The following RFX2 variants were observed in gnomAD, a reference collection of about 807,000 sequenced individuals.
The protein encoded by RFX2 is DNA-binding protein RFX2.
A neutral mutation model predicts 87.8 loss-of-function variants in RFX2; 20 were observed. That is an observed-to-expected ratio of 0.23 (90% CI 0.16 to 0.33). RFX2 has a LOEUF of 0.33. Ranked by LOEUF, RFX2 falls within the 10% of genes least tolerant of loss-of-function variation. RFX2 has a pLI of 1.00. For missense variants in RFX2, 767 were observed against 1,012.3 expected (o/e 0.76, Z 3.29); for synonymous variants, 397 against 431.3 (o/e 0.92, Z 0.98).
chr19:6,068,972 G>A (rs1195751273), intron 1 of RFX2, among the ~76,000 whole-genome samples: 1 of 152,154 alleles, frequency 6.6e-6, no homozygotes, highest in Non-Finnish European at 1.5e-5. Context: ...TCAGACTCTG[G>A]ATAAACATAG....
rs2086827834 is a variant in RFX2, at chr19:6,022,476, G to A, written c.597+3687C>T. Among the ~76,000 whole-genome samples, 1 of 152,222 alleles carries A rather than the reference G, an allele frequency of 6.6e-6. No individual in the cohort carries two copies. The highest frequency in any genetic ancestry group is 2.1e-4 in the South Asian group (1 of 4,834). ...CTTTAGCAGACAGCGCCACCTCATG[G>A]TGACAGAGACTCGGTGAACCTGCTA... On this transcript the variant is annotated intron_variant, in intron 6 of 17. Transcript: ENST00000303657. The surrounding 1 kb of genome is among the most constrained non-coding windows in gnomAD (Gnocchi z 6.2).
At chr19:6,035,475 A>G (rs2087009667) in intron 5 of RFX2, among the ~76,000 whole-genome samples, 1 of 152,242 alleles carries the variant, frequency 6.6e-6, no homozygotes, top group Non-Finnish European at 1.5e-5. Context: ...AAGATTTATA[A>G]TATGGATGAC....
chr19:6,070,458 T>G (rs1180635038), intron 1 of RFX2, among the ~76,000 whole-genome samples: 1 of 152,006 alleles, frequency 6.6e-6, no homozygotes, highest in Admixed American at 6.5e-5. Context: ...CCTCAATAGC[T>G]GGCTGCTGGG....
intron 1 of RFX2, among the ~76,000 whole-genome samples, chr19:6,075,650 G>A (rs1308278278): frequency 1.3e-5 from 2 of 152,178 alleles, no homozygotes; most frequent in African/African-American, 2.4e-5. Flanking sequence ...AGCTGGGGAA[G>A]CCCGTGGTCT....
intron 16 of RFX2, among the ~76,000 whole-genome samples, chr19:5,996,722 ACT>A (rs1283530079): frequency 1.3e-5 from 2 of 152,006 alleles, no homozygotes; most frequent in Non-Finnish European, 2.9e-5. Context: ...TAAACAGAAA[ACT>A]CTGGGTGGTG....
At chr19:6,006,223 C>G (rs143209376) in intron 12 of RFX2, among the ~76,000 whole-genome samples, 1 of 151,960 alleles carries the variant, frequency 6.6e-6, no homozygotes, top group Non-Finnish European at 1.5e-5. Flanking sequence ...TGCAGTGGTG[C>G]GATCATAGCT....
chr19:6,088,316 A>T (rs1340122091), intron 1 of RFX2, among the ~76,000 whole-genome samples: 1 of 145,132 alleles, frequency 6.9e-6, no homozygotes, highest in African/African-American at 2.6e-5. Context: ...GCCTCCCGCG[A>T]TTCTCCTGCC....
At position 6,021,079 on chromosome 19, in the gene RFX2, T is replaced by G. The variant is rs993489492; in HGVS notation, c.598-4808A>C. Among the ~76,000 whole-genome samples the G allele has an allele frequency of 3.9e-5, 6 of 152,210 alleles. No individual in the cohort carries two copies. Among genetic ancestry groups the G allele is most frequent in the Admixed American group, 2.0e-4 (3 of 15,280 alleles). ...TCATGCCCACCTACCTGGCCCCCTT[T>G]GTCTCCTAAGATACTTGTTTCTATT... On this transcript the variant is annotated intron_variant, in intron 6 of 17. Coordinates refer to ENST00000303657, the MANE Select transcript of RFX2 (RefSeq NM_000635.4). The surrounding 1 kb of genome is among the most constrained non-coding windows in gnomAD (Gnocchi z 5.7).
chr19:6,082,861 G>A (rs1438885275), intron 1 of RFX2, among the ~76,000 whole-genome samples: 1 of 152,146 alleles, frequency 6.6e-6, no homozygotes, highest in African/African-American at 2.4e-5. Flanking sequence ...CCATGCTAGA[G>A]CCTGGGGCAA....
At chr19:6,107,854 TTACATTTAAATA>T (rs2088244123) in intron 1 of RFX2, among the ~76,000 whole-genome samples, 2 of 152,156 alleles carry the variant, frequency 1.3e-5, no homozygotes, top group African/African-American at 4.8e-5. Flanking sequence ...AGATGAGTAT[TTACATTTAAATA>T]TACATCACAT....
intron 1 of RFX2, chr19:6,073,577 G>T: frequency 2.7e-6 from 1 of 370,764 alleles, no homozygotes; most frequent in Non-Finnish European, 4.8e-6. Flanking sequence ...CATAAAAACT[G>T]CAAAAAGATA....
chr19:6,019,544 G>GTGTGTA (rs386388444), intron 6 of RFX2, among the ~76,000 whole-genome samples: 1,902 of 143,082 alleles, frequency 0.013, 59 homozygotes, highest in African/African-American at 0.048. Flanking sequence ...GTGTGTGTGT[G>GTGTGTA]TATATACTTT....
chr19:6,010,129 C>T lies in RFX2; in HGVS notation c.1015+7G>A. The T allele has an allele frequency of 2.0e-6, 3 of 1,530,718 alleles. No individual in the cohort carries two copies. The highest frequency in any genetic ancestry group is 1.8e-6 in the Non-Finnish European group (2 of 1,131,200). The allele number at this position is 1,530,718 out of a possible 1,614,324, so 94.8% of individuals were successfully genotyped here. ...GCCCCGCCCCCGGGCCTGACCGGGC[C>T]TCTCACCTATGTACTGCTGGTGGTG... On this transcript the variant is annotated splice_region_variant and intron_variant, in intron 9 of 17. Coordinates refer to ENST00000303657, the MANE Select transcript of RFX2 (RefSeq NM_000635.4). The surrounding 1 kb of genome is among the most constrained non-coding windows in gnomAD (Gnocchi z 5.0).
intron 1 of RFX2, among the ~76,000 whole-genome samples, chr19:6,077,923 T>C (rs1379427478): frequency 2.2e-5 from 3 of 139,386 alleles, no homozygotes; most frequent in African/African-American, 8.3e-5. Context: ...GAGGTTGCAG[T>C]GAGCCAAGAT....
chr19:6,049,639 C>T (rs1444909397), intron 1 of RFX2, among the ~76,000 whole-genome samples: 1 of 152,174 alleles, frequency 6.6e-6, no homozygotes, highest in African/African-American at 2.4e-5. Flanking sequence ...AGTGATTCTC[C>T]CACCTCAGTC....
chr19:6,080,466 A>G (rs1178542067), intron 1 of RFX2, among the ~76,000 whole-genome samples: 1 of 152,132 alleles, frequency 6.6e-6, no homozygotes, highest in Admixed American at 6.6e-5. Flanking sequence ...AGAATACACA[A>G]GGTTCCAGAT....
At chr19:6,058,133 G>C (rs1346332318) in intron 1 of RFX2, among the ~76,000 whole-genome samples, 1 of 152,192 alleles carries the variant, frequency 6.6e-6, no homozygotes, top group Non-Finnish European at 1.5e-5. Context: ...GACAGTGTGT[G>C]TCCCCACTTG....
At chr19:6,091,836 CG>C (rs1397166096) in intron 1 of RFX2, among the ~76,000 whole-genome samples, 2 of 152,082 alleles carry the variant, frequency 1.3e-5, no homozygotes, top group Non-Finnish European at 2.9e-5. Context: ...CAGAATAAGC[CG>C]AGGGACTGAA....
intron 1 of RFX2, among the ~76,000 whole-genome samples, chr19:6,075,298 A>AGGAGGAGGAGG (rs1568185978): frequency 6.7e-6 from 1 of 148,660 alleles, no homozygotes; most frequent in African/African-American, 2.6e-5. Flanking sequence ...GGAGGAGGAG[A>AGGAGGAGGAGG]AGATGGACTT....
Sources: allele counts gnomAD v4.1 joint callset (sites outside exome capture counted in the v4.1 genomes callset), GRCh38; gene constraint gnomAD v4.1.1; non-coding constraint Gnocchi (gnomAD v3.1); transcripts MANE v1.5; gene names NCBI Gene and HGNC (gene_info 2026-07-23, HGNC 2026-07-21).